FCHO2: variants seen among roughly 807,000 people sequenced by gnomAD.
FCHO2 encodes FCH and mu domain containing endocytic adaptor 2.
Under a neutral mutation model 114.1 loss-of-function variants are expected in FCHO2, and 43 were observed. The ratio of observed to expected loss-of-function variants is 0.38; its 90% CI spans 0.30 to 0.49. The LOEUF (loss-of-function observed/expected upper bound fraction) is 0.49, where lower values mean the gene tolerates loss of function less well. FCHO2 is among the 20% of genes least tolerant of loss of function. The probability of loss-of-function intolerance (pLI) is 0.97; values close to 1 mark genes in which losing one functional copy is unlikely to be tolerated. For missense variants in FCHO2, 807 were observed against 950.4 expected (o/e 0.85, Z 1.98); for synonymous variants, 293 against 315.2 (o/e 0.93, Z 0.75).
chr5:73,067,021 AAC>A (rs1742379634), intron 18 of FCHO2, among the ~76,000 whole-genome samples: 3 of 152,082 alleles, frequency 2.0e-5, no homozygotes, highest in African/African-American at 7.2e-5. Context: ...ATATTATTTT[AAC>A]ACATTCAATA....
chr5:72,990,001 A>G (rs1017956839), intron 3 of FCHO2, among the ~76,000 whole-genome samples: 13 of 152,030 alleles, frequency 8.6e-5, no homozygotes, highest in Non-Finnish European at 1.8e-4. Flanking sequence ...TACATTTAAA[A>G]TGAGATGTGC....
At chr5:73,003,247 C>T (rs142457323) in intron 5 of FCHO2, among the ~76,000 whole-genome samples, 2 of 152,234 alleles carry the variant, frequency 1.3e-5, no homozygotes, top group Admixed American at 1.3e-4. Flanking sequence ...CTCCTGGGCT[C>T]AAACTATTCT....
At chr5:72,972,313 T>C (rs1194794738) in intron 2 of FCHO2, among the ~76,000 whole-genome samples, 1 of 151,476 alleles carries the variant, frequency 6.6e-6, no homozygotes, top group Non-Finnish European at 1.5e-5. Flanking sequence ...TTTCACGATA[T>C]TGATTCTTCC....
intron 2 of FCHO2, among the ~76,000 whole-genome samples, chr5:72,971,854 A>T (rs555174321): frequency 5.2e-4 from 79 of 152,286 alleles, no homozygotes; most frequent in African/African-American, 1.9e-3. Flanking sequence ...TAAGTCTTTA[A>T]TCCATCGTGA....
At position 73,006,540 on chromosome 5, in the gene FCHO2, A is replaced by C. The variant is rs1235277012; in HGVS notation, c.591A>C (p.Glu197Asp). 4 of 1,557,770 alleles carry C rather than the reference A, an allele frequency of 2.6e-6. No homozygotes were observed. The highest frequency in any genetic ancestry group is 2.0e-5 in the Admixed American group (1 of 49,856). Residue 197 changes from glutamate to aspartate, a missense_variant, in exon 6 of 26, where the codon GAA (glutamate) becomes GAC (aspartate). Glu to Asp is a conservative substitution (Grantham distance 45). Coordinates refer to ENST00000430046, the MANE Select transcript of FCHO2 (RefSeq NM_138782.3). ...AKADFEQKMT[E>D]TAQKFQDIEE... The stretch of plus-strand genomic sequence containing the variant: ...CTGATTTCGAACAGAAAATGACAGA[A>C]ACAGCTCAGGTTGGTATTTTAAGGC...
At chr5:73,016,003 T>C (rs2112742480) in intron 7 of FCHO2, among the ~76,000 whole-genome samples, 1 of 152,320 alleles carries the variant, frequency 6.6e-6, no homozygotes, top group African/African-American at 2.4e-5. Flanking sequence ...CTTTTGAATA[T>C]TTCTTTTTTC....
intron 3 of FCHO2, among the ~76,000 whole-genome samples, chr5:72,990,065 A>G (rs935864505): frequency 3.9e-5 from 6 of 151,964 alleles, no homozygotes; most frequent in Non-Finnish European, 8.8e-5. Flanking sequence ...GGGCTTTTGC[A>G]TGTTTAAATT....
chr5:72,961,788 T>G (rs1187795577), intron 1 of FCHO2, among the ~76,000 whole-genome samples: 2 of 152,058 alleles, frequency 1.3e-5, no homozygotes, highest in Non-Finnish European at 2.9e-5. Context: ...GAGATGGGGA[T>G]TCTCCATGTT....
chr5:73,077,522 A>G (rs1297881454), intron 21 of FCHO2, 29 bp downstream of exon 21: 1 of 1,564,388 alleles, frequency 6.4e-7, no homozygotes, highest in South Asian at 1.2e-5. Context: ...TTGAAGGTTG[A>G]AATTTCGTTT....
intron 19 of FCHO2, among the ~76,000 whole-genome samples, chr5:73,069,928 A>C (rs747821375): frequency 6.6e-6 from 1 of 152,070 alleles, no homozygotes; most frequent in Non-Finnish European, 1.5e-5. Context: ...CTTCTCATAA[A>C]AATTATAACT....
At chr5:73,082,899 G>A (rs1173047602) in intron 24 of FCHO2, 74 bp downstream of exon 24, 6 of 1,287,932 alleles carry the variant, frequency 4.7e-6, no homozygotes, top group Non-Finnish European at 5.3e-6. Context: ...TTTTAAAACA[G>A]AGTCTAGCTT....
At chr5:73,075,182 T>G (rs942979077) in intron 20 of FCHO2, among the ~76,000 whole-genome samples, 8 of 152,166 alleles carry the variant, frequency 5.3e-5, no homozygotes, top group South Asian at 4.1e-4. Flanking sequence ...CTGTATGTAT[T>G]GGATATTGAT....
intron 6 of FCHO2, among the ~76,000 whole-genome samples, chr5:73,009,898 A>G (rs759374454): frequency 6.6e-6 from 1 of 152,194 alleles, no homozygotes; most frequent in Non-Finnish European, 1.5e-5. Context: ...TGCTGCTTTT[A>G]AATAAAGATG....
At chr5:73,058,569 C>T in intron 17 of FCHO2, 45 bp downstream of exon 17, 1 of 821,480 alleles carries the variant, frequency 1.2e-6, no homozygotes, top group Non-Finnish European at 1.8e-6. Context: ...ATAAAGAATA[C>T]TTTAGTTGCT....
intron 18 of FCHO2, among the ~76,000 whole-genome samples, chr5:73,067,235 G>C (rs192315313): frequency 6.6e-6 from 1 of 152,076 alleles, no homozygotes; most frequent in African/African-American, 2.4e-5. Flanking sequence ...AAATTAAAAA[G>C]GCAGTCACAT....
chr5:72,986,128 T>G (rs984964425), intron 2 of FCHO2, among the ~76,000 whole-genome samples: 8 of 152,146 alleles, frequency 5.3e-5, no homozygotes, highest in Non-Finnish European at 8.8e-5. Context: ...CTTTTTTTTC[T>G]CCATCTCCTT....
At chr5:73,023,354 A>G (rs1014197487) in intron 8 of FCHO2, among the ~76,000 whole-genome samples, 2 of 152,208 alleles carry the variant, frequency 1.3e-5, no homozygotes, top group African/African-American at 4.8e-5. Context: ...AAGTTACATA[A>G]TTCGGTTTGT....
chr5:73,067,633 A>G lies in FCHO2; in HGVS notation c.1450-1017A>G, dbSNP rs1389415747. 2.0e-5 allele frequency among the ~76,000 whole-genome samples: 3 copies of G among 152,060 alleles called. No individual in the cohort carries two copies. In the East Asian group the frequency reaches 5.8e-4, roughly 29 times the overall value. On this transcript the variant is annotated intron_variant, in intron 18 of 25. Coordinates refer to ENST00000430046, the MANE Select transcript of FCHO2 (RefSeq NM_138782.3). Reference sequence around the variant, plus strand: ...AGGGTTTTGTTTTTGCCTTTTTTTCATGTTCCTCAAATAACTGAGGACAGT... The same window carrying G: ...AGGGTTTTGTTTTTGCCTTTTTTTCGTGTTCCTCAAATAACTGAGGACAGT...
rs555988112 is a variant in FCHO2 at position 72,963,086 on chromosome 5, T to G, written c.34-5412T>G. Reference sequence around the variant, plus strand: ...TGGCCAGAGTCAGAGATAATTAAACTGGAAAGTGTTACAGTGTGTGATAAA... The same window carrying G: ...TGGCCAGAGTCAGAGATAATTAAACGGGAAAGTGTTACAGTGTGTGATAAA... On this transcript the variant is annotated intron_variant, in intron 1 of 25. Coordinates refer to ENST00000430046, the MANE Select transcript of FCHO2 (RefSeq NM_138782.3). Among the ~76,000 whole-genome samples the G allele has an allele frequency of 2.0e-5, 3 of 152,242 alleles. No individual in the cohort carries two copies. In the East Asian group the frequency reaches 5.8e-4, roughly 29 times the overall value.
Sources: gnomAD v4.1 joint callset for allele counts (sites outside exome capture counted in the v4.1 genomes callset) on GRCh38, gnomAD v4.1.1 for gene constraint, MANE v1.5 for transcripts, NCBI Gene and HGNC (gene_info 2026-07-23, HGNC 2026-07-21) for gene names.